The following LVRN variants were observed in gnomAD, a reference collection of about 807,000 sequenced individuals.
LVRN encodes laeverin, also known as aminopeptidase Q.
In LVRN, 99 loss-of-function variants were observed where a neutral mutation model predicts 111.4. That is an observed-to-expected ratio of 0.89 (90% CI 0.76 to 1.05). The LOEUF (loss-of-function observed/expected upper bound fraction) is 1.05. Among genes scored for constraint, LVRN ranks in the 50% least tolerant of loss-of-function variants. The probability of loss-of-function intolerance (pLI) is 0.00; values close to 1 mark genes in which losing one functional copy is unlikely to be tolerated. For synonymous variants in LVRN, 488 were observed against 449.5 expected, an observed-to-expected ratio of 1.09 and a Z score of -1.08; for missense variants, 1,414 against 1,206.8, an observed-to-expected ratio of 1.17 and a Z score of -2.54.
intron 12 of LVRN, 50 bp downstream of exon 12, chr5:116,003,430 TC>T: frequency 8.4e-7 from 1 of 1,194,484 alleles, no homozygotes; most frequent in Non-Finnish European, 1.1e-6. Flanking sequence ...TAATGCCTTC[TC>T]TAGTGTTTTA....
intron 16 of LVRN, 111 bp downstream of exon 16, chr5:116,014,638 C>T (rs569793896): frequency 4.6e-5 from 37 of 811,734 alleles, no homozygotes; most frequent in East Asian, 4.0e-4. Flanking sequence ...CTTGGTTAGG[C>T]GCTCTCTCCT....
intron 1 of LVRN, chr5:115,974,909 A>C (rs536509219): frequency 3.6e-5 from 17 of 475,648 alleles, no homozygotes; most frequent in South Asian, 2.8e-4. Context: ...CAGAGACTCT[A>C]CTGATATATT....
chr5:115,984,682 C>T lies in LVRN; in HGVS notation c.951C>T (p.His317=), dbSNP rs760170484. 22 of 1,613,416 alleles carry T rather than the reference C, an allele frequency of 1.4e-5. No homozygotes were observed. Among genetic ancestry groups the T allele is most frequent in the African/African-American group, 2.7e-5 (2 of 74,836 alleles). ...CATTTGTTATATGTGACTATGACCACGTCAACAGAACAGAAAGGGGCAAGG... is the reference window on the plus strand; with the variant it reads ...CATTTGTTATATGTGACTATGACCATGTCAACAGAACAGAAAGGGGCAAGG... ...LVAFVICDYD[H]VNRTERGKEI... The change falls in exon 3 of 20, where the codon CAC becomes CAT. Residue 317 remains histidine, a synonymous_variant. Transcript: ENST00000357872.
chr5:116,005,696 T>C (rs1052602323), intron 12 of LVRN: 13 of 614,866 alleles, frequency 2.1e-5, no homozygotes, highest in Non-Finnish European at 3.6e-5. Context: ...TTAAACCTTA[T>C]GATTGATGTC....
intron 1 of LVRN, among the ~76,000 whole-genome samples, chr5:115,977,071 G>A (rs778542430): frequency 6.6e-6 from 1 of 152,194 alleles, no homozygotes; most frequent in African/African-American, 2.4e-5. Flanking sequence ...ACTCTGGGAA[G>A]TGTTCAGCGT....
intron 14 of LVRN, 73 bp downstream of exon 14, chr5:116,010,967 G>A: frequency 9.0e-7 from 1 of 1,111,622 alleles, no homozygotes; most frequent in South Asian, 2.3e-5. Context: ...GCCAGCATCT[G>A]TGAGACAGGT....
intron 1 of LVRN, among the ~76,000 whole-genome samples, chr5:115,980,022 A>C (rs113877590): frequency 6.6e-6 from 1 of 152,128 alleles, no homozygotes; most frequent in Non-Finnish European, 1.5e-5. Context: ...ACAAGAAAAC[A>C]GTGAGTCCAT....
intron 6 of LVRN, among the ~76,000 whole-genome samples, chr5:115,998,626 C>A (rs934229082): frequency 9.9e-5 from 15 of 152,146 alleles, no homozygotes; most frequent in South Asian, 6.2e-4. Flanking sequence ...TGAGTAGGAT[C>A]AGACCTATGC....
chr5:115,963,304 C>A lies in LVRN; in HGVS notation c.687C>A (p.Gly229=), dbSNP rs1469346648. The change falls in exon 1 of 20, where the codon GGC becomes GGA. Residue 229 remains glycine, a synonymous_variant. Transcript: ENST00000357872. ...TCCTCAACGTCTACACCGACCAGGG[C>A]GAGCGCAGGTAAGGGCTGTACAGCC... is the stretch of plus-strand genomic sequence containing the variant. The part of the protein sequence containing the change: ...GLFLNVYTDQ[G]ERRALLASQL... The A allele has an allele frequency of 1.0e-5, 16 of 1,607,378 alleles. No homozygotes were observed. The highest frequency in any genetic ancestry group is 1.3e-5 in the African/African-American group (1 of 74,836).
chr5:116,007,006 T>C (rs1366203), intron 13 of LVRN, among the ~76,000 whole-genome samples: 31,404 of 152,126 alleles, frequency 0.21, 3,694 homozygotes, highest in Non-Finnish European at 0.26. Context: ...TGCTTCATCT[T>C]ACATGCACAG....
intron 1 of LVRN, among the ~76,000 whole-genome samples, chr5:115,965,509 T>G (rs1454549689): frequency 6.6e-6 from 1 of 152,228 alleles, no homozygotes; most frequent in East Asian, 1.9e-4. Context: ...GAGTTTAGAA[T>G]GGAGTTTAGA....
At chr5:115,989,107 C>G (rs572713041) in intron 4 of LVRN, among the ~76,000 whole-genome samples, 10 of 152,270 alleles carry the variant, frequency 6.6e-5, no homozygotes, top group African/African-American at 2.4e-4. Context: ...ACATTCCCTC[C>G]AAGCCATCCT....
intron 6 of LVRN, among the ~76,000 whole-genome samples, chr5:115,995,898 G>C (rs1748096673): frequency 6.6e-6 from 1 of 152,138 alleles, no homozygotes; most frequent in South Asian, 2.1e-4. Context: ...TAACCACTGT[G>C]CTCTATAGCA....
intron 5 of LVRN, among the ~76,000 whole-genome samples, 191 bp from the exon 6 acceptor site, chr5:115,993,550 C>G (rs1748041527): frequency 6.6e-6 from 1 of 152,152 alleles, no homozygotes; most frequent in Non-Finnish European, 1.5e-5. Context: ...CTGAGAAATG[C>G]ATGACTAATA....
At chr5:115,968,326 T>C (rs989791430) in intron 1 of LVRN, among the ~76,000 whole-genome samples, 2 of 152,232 alleles carry the variant, frequency 1.3e-5, no homozygotes, top group Non-Finnish European at 2.9e-5. Flanking sequence ...TCTAACACTT[T>C]TTCTGCATAA....
chr5:115,964,728 T>G (rs1753166968), intron 1 of LVRN, among the ~76,000 whole-genome samples: 1 of 152,230 alleles, frequency 6.6e-6, no homozygotes, highest in Admixed American at 6.5e-5. Flanking sequence ...CCGTTCAATT[T>G]TTCTATTGTG....
At chr5:116,002,948 G>A (rs1414599334) in intron 11 of LVRN, 37 bp downstream of exon 11, 2 of 1,420,186 alleles carry the variant, frequency 1.4e-6, no homozygotes, top group Non-Finnish European at 2.0e-6. Flanking sequence ...TTATATATAT[G>A]CATATGTAAA....
intron 13 of LVRN, among the ~76,000 whole-genome samples, chr5:116,008,522 C>T (rs1748423458): frequency 6.6e-6 from 1 of 151,834 alleles, no homozygotes; most frequent in Non-Finnish European, 1.5e-5. Context: ...AGGACTCTTG[C>T]TCCACATGGC....
rs367650330 is a variant in LVRN, at chr5:115,983,280, A to G, written c.696-7A>G. Reference sequence around the variant, plus strand: ...ATAAATAAAAATTTCCCCAAAATGTATTTCAGGGCCCTGTTAGCGTCCCAG... The same window carrying G: ...ATAAATAAAAATTTCCCCAAAATGTGTTTCAGGGCCCTGTTAGCGTCCCAG... On this transcript the variant is annotated splice_region_variant and splice_polypyrimidine_tract_variant and intron_variant, in intron 1 of 19. Coordinates refer to ENST00000357872, the MANE Select transcript of LVRN (RefSeq NM_173800.5). The G allele has an allele frequency of 1.4e-4, 221 of 1,560,928 alleles. No homozygotes were observed. Among genetic ancestry groups the G allele is most frequent in the Non-Finnish European group, 1.9e-4 (216 of 1,161,504 alleles).
Sources: gnomAD v4.1 joint callset for allele counts (sites outside exome capture counted in the v4.1 genomes callset) on GRCh38, gnomAD v4.1.1 for gene constraint, MANE v1.5 for transcripts, NCBI Gene and HGNC (gene_info 2026-07-23, HGNC 2026-07-21) for gene names.